Variants in SLC25A21 observed in about 807,000 individuals in gnomAD.
The protein encoded by SLC25A21 is solute carrier family 25 member 21.
A neutral mutation model predicts 43.8 loss-of-function variants in SLC25A21; 47 were observed. The observed-to-expected ratio is 1.07, with a 90% CI of 0.85 to 1.37. SLC25A21 has a LOEUF of 1.37. SLC25A21 is among the 40% of genes most tolerant of loss of function. SLC25A21 has a pLI of 0.00. For missense variants in SLC25A21, 352 were observed against 350.2 expected (o/e 1.00, Z -0.04); for synonymous variants, 131 against 121.3 (o/e 1.08, Z -0.52).
Position 36,903,680 on chromosome 14 carries a change from TAA to T in SLC25A21, c.71-28678_71-28677del, listed in dbSNP as rs36011411. ...AATTTAAAAATCAGGAGTTTTCACA[TAA>T]AAAAAAATCAGAGTTCTAGATTGCT... On this transcript the variant is annotated intron_variant, in intron 1 of 9. Coordinates refer to ENST00000331299, the MANE Select transcript of SLC25A21 (RefSeq NM_030631.4). 8.4e-5 allele frequency among the ~76,000 whole-genome samples: 9 copies of T among 106,902 alleles called. No individual in the cohort carries two copies. The Admixed American group carries it at 8.6e-4, about 10-fold the overall frequency. The allele number at this position is 106,902 out of a possible 152,430, so 70.1% of individuals were successfully genotyped here.
intron 1 of SLC25A21, among the ~76,000 whole-genome samples, chr14:37,169,604 C>CACACACACAG (rs1242965821): frequency 2.7e-4 from 41 of 151,354 alleles, no homozygotes; most frequent in East Asian, 2.3e-3. Context: ...CACACACACA[C>CACACACACAG]ACAGAAGTGT....
At chr14:37,128,548 G>GTGTA (rs1566901168) in intron 1 of SLC25A21, among the ~76,000 whole-genome samples, 2 of 148,758 alleles carry the variant, frequency 1.3e-5, no homozygotes, top group East Asian at 3.9e-4. Context: ...CTGTGTGTGT[G>GTGTA]TGTGTGTGTG....
At chr14:37,083,739 C>T (rs11846664) in intron 1 of SLC25A21, among the ~76,000 whole-genome samples, 22,263 of 152,122 alleles carry the variant, frequency 0.15, 5,354 homozygotes, top group African/African-American at 0.5. Context: ...TGCTGAATCA[C>T]AGTTTTAGGG....
At chr14:36,984,795 T>C (rs1960107816) in intron 1 of SLC25A21, among the ~76,000 whole-genome samples, 1 of 152,098 alleles carries the variant, frequency 6.6e-6, no homozygotes. Flanking sequence ...TGTCCCAGTT[T>C]ATCCATTTGA....
At chr14:37,119,535 C>A (rs948472171) in intron 1 of SLC25A21, among the ~76,000 whole-genome samples, 1 of 150,348 alleles carries the variant, frequency 6.7e-6, no homozygotes, top group African/African-American at 2.5e-5. Flanking sequence ...CCAGCCTAGG[C>A]GACAGAGTGA....
chr14:36,764,192 G>GAA (rs141041432), intron 3 of SLC25A21, among the ~76,000 whole-genome samples: 24,587 of 54,182 alleles, frequency 0.45, 7,011 homozygotes, highest in South Asian at 0.54. Flanking sequence ...AAGAAAGAAA[G>GAA]AGAAAGAAAG....
At chr14:37,080,429 C>A (rs1216600599) in intron 1 of SLC25A21, among the ~76,000 whole-genome samples, 1 of 152,092 alleles carries the variant, frequency 6.6e-6, no homozygotes, top group Non-Finnish European at 1.5e-5. Flanking sequence ...CCTGTCTCTA[C>A]AAAAAGTACA....
chr14:36,954,192 G>T (rs1034188833), intron 1 of SLC25A21, among the ~76,000 whole-genome samples: 1 of 152,064 alleles, frequency 6.6e-6, no homozygotes, highest in African/African-American at 2.4e-5. Context: ...AGTAAAAAAT[G>T]TCTCTGATTG....
intron 1 of SLC25A21, among the ~76,000 whole-genome samples, chr14:37,141,749 G>T (rs1963574261): frequency 6.6e-6 from 1 of 152,092 alleles, no homozygotes; most frequent in East Asian, 1.9e-4. Flanking sequence ...GGTACTATAT[G>T]TCACTTTTTA....
At position 36,791,578 on chromosome 14, in the gene SLC25A21, A is replaced by G. The variant is rs139311906; in HGVS notation, c.203+22340T>C. ...GATACTTTTTCAAACAATGTAATAAAAATGTAAACTCAGCTGTTTCACAGA... is the reference window on the plus strand; with the variant it reads ...GATACTTTTTCAAACAATGTAATAAGAATGTAAACTCAGCTGTTTCACAGA... On this transcript the variant is annotated intron_variant, in intron 3 of 9. Transcript: ENST00000331299. 3.0e-3 allele frequency among the ~76,000 whole-genome samples: 460 copies of G among 152,338 alleles called. 3 individuals carry two copies. The highest frequency in any genetic ancestry group is 4.4e-3 in the Non-Finnish European group (300 of 68,008).
At chr14:36,951,998 G>C (rs1356638598) in intron 1 of SLC25A21, among the ~76,000 whole-genome samples, 2 of 152,082 alleles carry the variant, frequency 1.3e-5, no homozygotes, top group Non-Finnish European at 2.9e-5. Context: ...ACTTTGGGAG[G>C]CCAAGGAGGG....
intron 1 of SLC25A21, among the ~76,000 whole-genome samples, chr14:37,136,066 C>T (rs1438117229): frequency 6.6e-6 from 1 of 152,114 alleles, no homozygotes. Flanking sequence ...GAAAGATGGA[C>T]ATCTAATCAA....
intron 3 of SLC25A21, chr14:36,808,772 G>A (rs1231758856): frequency 6.6e-6 from 1 of 152,076 alleles, no homozygotes; most frequent in African/African-American, 2.4e-5. Flanking sequence ...CATAGTTCAT[G>A]GTACACTGAA....
At chr14:37,068,556 C>A (rs1962107545) in intron 1 of SLC25A21, among the ~76,000 whole-genome samples, 1 of 152,060 alleles carries the variant, frequency 6.6e-6, no homozygotes, top group African/African-American at 2.4e-5. Flanking sequence ...CTATACTGAA[C>A]CCATTTAGTA....
chr14:36,916,964 C>T (rs2138619082), intron 1 of SLC25A21, among the ~76,000 whole-genome samples: 1 of 152,178 alleles, frequency 6.6e-6, no homozygotes, highest in Non-Finnish European at 1.5e-5. Flanking sequence ...GATGTCCTTG[C>T]TCTTTCATTC....
Position 36,680,548 on chromosome 14 carries a change from C to G in SLC25A21, c.*110G>C. 7.2e-7 allele frequency: 1 copy of G among 1,397,000 alleles called. No homozygotes were observed. The highest frequency in any genetic ancestry group is 2.0e-5 in the South Asian group (1 of 50,514). The allele number at this position is 1,397,000 out of a possible 1,614,324, so 86.5% of individuals were successfully genotyped here. On this transcript the variant is annotated 3_prime_UTR_variant, in exon 10 of 10. Coordinates refer to ENST00000331299, the MANE Select transcript of SLC25A21 (RefSeq NM_030631.4). ...TATTAAAATAGATTTTGTTCTTGAA[C>G]AGTTTTCTCCTTCATAATTATACAC... is the stretch of plus-strand genomic sequence containing the variant.
At chr14:36,793,788 T>G (rs916389180) in intron 3 of SLC25A21, among the ~76,000 whole-genome samples, 1 of 152,146 alleles carries the variant, frequency 6.6e-6, no homozygotes, top group Non-Finnish European at 1.5e-5. Flanking sequence ...TATTGACATA[T>G]GGCCTTTATT....
intron 1 of SLC25A21, among the ~76,000 whole-genome samples, chr14:36,908,285 T>C (rs776228267): frequency 2.0e-5 from 3 of 152,160 alleles, no homozygotes; most frequent in Non-Finnish European, 4.4e-5. Context: ...CGGTATGGAA[T>C]ATTGACAGTG....
intron 1 of SLC25A21, among the ~76,000 whole-genome samples, chr14:37,138,358 C>T (rs1393957474): frequency 6.6e-6 from 1 of 152,064 alleles, no homozygotes; most frequent in Non-Finnish European, 1.5e-5. Flanking sequence ...TAAGATATGG[C>T]CTTTATGCCA....
Sources: gnomAD v4.1 joint callset for allele counts (sites outside exome capture counted in the v4.1 genomes callset) on GRCh38, gnomAD v4.1.1 for gene constraint, MANE v1.5 for transcripts, NCBI Gene and HGNC (gene_info 2026-07-23, HGNC 2026-07-21) for gene names.